The following PRKRA variants were observed in gnomAD, a reference collection of about 807,000 sequenced individuals.
The protein encoded by PRKRA is interferon-inducible double-stranded RNA-dependent protein kinase activator A.
In PRKRA, 22 loss-of-function variants were observed where a neutral mutation model predicts 32.4. That is an observed-to-expected ratio of 0.68 (90% CI 0.49 to 0.97). PRKRA has a LOEUF of 0.97. Among genes scored for constraint, PRKRA ranks in the 50% least tolerant of loss-of-function variants. The pLI is 0.00. For missense variants in PRKRA, 319 were observed against 375.6 expected (o/e 0.85, Z 1.25); for synonymous variants, 139 against 129.8 (o/e 1.07, Z -0.48).
chr2:178,436,441 G>GGTTAATAAAGCATGATAACATAAAGCAT (rs1696900887), intron 6 of PRKRA, 122 bp from the exon 7 acceptor site: 1 of 816,866 alleles, frequency 1.2e-6, no homozygotes, highest in East Asian at 2.6e-5. Context: ...ATGTTTAAAT[G>GGTTAATAAAGCATGATAACATAAAGCAT]GATAACATTT....
At chr2:178,450,890 G>A in intron 1 of PRKRA, 76 bp downstream of exon 1, 1 of 1,241,130 alleles carries the variant, frequency 8.1e-7, no homozygotes, top group Non-Finnish European at 1.0e-6. Flanking sequence ...AATGCCTCTG[G>A]AGGGCCGGCT....
Position 178,441,588 on chromosome 2 carries a change from C to A in PRKRA, c.609+22G>T, listed in dbSNP as rs1394605227. 3 of 718,664 alleles carry A rather than the reference C, an allele frequency of 4.2e-6. No homozygotes were observed. In the East Asian group the frequency reaches 1.6e-4, roughly 39 times the overall value. The allele number at this position is 718,664 out of a possible 1,614,324, so 44.5% of individuals were successfully genotyped here. A position where few individuals can be genotyped will look rare whatever the true frequency, so the allele number is the denominator to read the frequency against. On this transcript the variant is annotated intron_variant, in intron 6 of 7. Transcript: ENST00000325748. ...AAGAAATGCTTAATGACATTAACAT[C>A]ATAGCTGTCAACATTACTCACTAAA...
intron 1 of PRKRA, chr2:178,450,650 A>G: frequency 6.9e-7 from 1 of 1,441,440 alleles, no homozygotes; most frequent in Non-Finnish European, 9.1e-7. Context: ...TGCGGGTAGG[A>G]GAGATTCTCA....
Position 178,448,563 on chromosome 2 carries a change from G to A in PRKRA, c.236-977C>T, listed in dbSNP as rs150820665. Among the ~76,000 whole-genome samples, 142 of 152,142 alleles carry A rather than the reference G, an allele frequency of 9.3e-4. 2 individuals carry two copies. The East Asian group carries it at 0.026, about 28-fold the overall frequency. The stretch of plus-strand genomic sequence containing the variant: ...GCCAAGATCATGCCACTGCACTCTA[G>A]CCTGGGTGACAGAGTGAGACCCTGT... On this transcript the variant is annotated intron_variant, in intron 2 of 7. Transcript: ENST00000325748.
In PRKRA at chr2:178,431,916, T is replaced by G. The variant is rs1272189996; in HGVS notation, c.*181A>C. 1 of 751,234 alleles carries G rather than the reference T, an allele frequency of 1.3e-6. No individual in the cohort carries two copies. 46.5% of individuals were successfully genotyped at this position (751,234 alleles called of 1,614,324 possible). On this transcript the variant is annotated 3_prime_UTR_variant, in exon 8 of 8. Transcript: ENST00000325748. The stretch of plus-strand genomic sequence containing the variant: ...TAAATACAGTATACTGATACAAAGT[T>G]GAAGCCATTAAAAAGAGCTTAATAA...
At chr2:178,440,771 A>G (rs1417361637) in intron 6 of PRKRA, among the ~76,000 whole-genome samples, 1 of 152,194 alleles carries the variant, frequency 6.6e-6, no homozygotes, top group Non-Finnish European at 1.5e-5. Flanking sequence ...CTCACTTACC[A>G]TAATGCAGCC....
At position 178,432,049 on chromosome 2, in the gene PRKRA, G is replaced by T; in HGVS notation, c.*48C>A. 2 of 1,602,588 alleles carry T rather than the reference G, an allele frequency of 1.2e-6. No individual in the cohort carries two copies. Among genetic ancestry groups the T allele is most frequent in the Non-Finnish European group, 1.7e-6 (2 of 1,170,566 alleles). On this transcript the variant is annotated 3_prime_UTR_variant, in exon 8 of 8. Transcript: ENST00000325748. ...AAGTTTTACTTGGGAAGGGGCCAGA[G>T]GGGAACTTTTTATGTGCTACTGAAA...
rs766796832 is a variant in PRKRA at position 178,432,076 on chromosome 2, ATTT to A, written c.*18_*20del. The A allele has an allele frequency of 6.2e-7, 1 of 1,613,858 alleles. No homozygotes were observed. The highest frequency in any genetic ancestry group is 1.7e-5 in the Admixed American group (1 of 60,006). ...GGAACTTTTTATGTGCTACTGAAAGATTTTTTAAGTTGCTCCAGATTTACTTTC... is the reference window on the plus strand; with the variant it reads ...GGAACTTTTTATGTGCTACTGAAAGATTTAAGTTGCTCCAGATTTACTTTC... On this transcript the variant is annotated 3_prime_UTR_variant, in exon 8 of 8. Coordinates refer to ENST00000325748, the MANE Select transcript of PRKRA (RefSeq NM_003690.5).
At position 178,436,404 on chromosome 2, in the gene PRKRA, G is replaced by A. The variant is rs1696899373; in HGVS notation, c.610-85C>T. 15 of 864,270 alleles carry A rather than the reference G, an allele frequency of 1.7e-5. 1 individual carries two copies. The South Asian group carries it at 2.5e-4, about 14-fold the overall frequency. The allele number at this position is 864,270 out of a possible 1,614,324, so 53.5% of individuals were successfully genotyped here. A position where few individuals can be genotyped will look rare whatever the true frequency, so the allele number is the denominator to read the frequency against. On this transcript the variant is annotated intron_variant, in intron 6 of 7. Transcript: ENST00000325748. ...CAGTATCATTAAAAGTACTTATTAA[G>A]CACTCACATTTAATATGTTATAAAG...
rs999624198 is a variant in PRKRA, at chr2:178,441,710, CA to C, written c.515-7del. On this transcript the variant is annotated splice_polypyrimidine_tract_variant and splice_region_variant and intron_variant, in intron 5 of 7. Coordinates refer to ENST00000325748, the MANE Select transcript of PRKRA (RefSeq NM_003690.5). ...CTTTTTTGATGCCCCCTTTCCTGAA[CA>C]AAGAAAAAGAAATGGTAGATTTAGA... The C allele has an allele frequency of 6.6e-6, 5 of 760,010 alleles. No individual in the cohort carries two copies. In the African/African-American group the frequency reaches 9.8e-5, roughly 15 times the overall value. The allele number at this position is 760,010 out of a possible 1,614,324, so 47.1% of individuals were successfully genotyped here. A position where few individuals can be genotyped will look rare whatever the true frequency, so the allele number is the denominator to read the frequency against.
At chr2:178,439,029 T>TCGCC (rs1697017062) in intron 6 of PRKRA, 1 of 152,170 alleles carries the variant, frequency 6.6e-6, no homozygotes, top group Admixed American at 6.5e-5. Flanking sequence ...TTAAATATAT[T>TCGCC]TACAATGTTT....
At chr2:178,437,033 AAAC>A (rs369768283) in intron 6 of PRKRA, among the ~76,000 whole-genome samples, 107 of 152,284 alleles carry the variant, frequency 7.0e-4, no homozygotes, top group East Asian at 3.9e-3. Flanking sequence ...CCATTAATAA[AAAC>A]AACTACTTTC....
intron 2 of PRKRA, 64 bp downstream of exon 2, chr2:178,450,178 A>G: frequency 7.6e-7 from 1 of 1,307,894 alleles, no homozygotes; most frequent in Non-Finnish European, 1.0e-6. Flanking sequence ...TTCCGAACTG[A>G]AAAGCAACAC....
chr2:178,448,069 T>G (rs1051663074), intron 2 of PRKRA, among the ~76,000 whole-genome samples: 1 of 152,246 alleles, frequency 6.6e-6, no homozygotes, highest in African/African-American at 2.4e-5. Flanking sequence ...GCCTGTCCTA[T>G]AACGTATCAA....
intron 6 of PRKRA, chr2:178,440,350 T>C (rs527977020): frequency 6.6e-6 from 1 of 152,200 alleles, no homozygotes; most frequent in Non-Finnish European, 1.5e-5. Flanking sequence ...TCCCACCTAA[T>C]ACACTACTCT....
chr2:178,450,831 G>T, intron 1 of PRKRA, 135 bp downstream of exon 1: 24 of 1,363,492 alleles, frequency 1.8e-5, no homozygotes, highest in Non-Finnish European at 2.2e-5. Context: ...GGGCGGGGCC[G>T]AGCACCCACA....
rs541083764 is a variant in PRKRA, at chr2:178,434,106, C to G, written c.785-1852G>C. ...TATTGGATGAATGGTCTCTCATCAG[C>G]CACCTTTTCTTTTTTTTTTTTTGAG... On this transcript the variant is annotated intron_variant, in intron 7 of 7. Coordinates refer to ENST00000325748, the MANE Select transcript of PRKRA (RefSeq NM_003690.5). 2.6e-5 allele frequency: 4 copies of G among 151,872 alleles called. No homozygotes were observed. The East Asian group carries it at 7.7e-4, about 29-fold the overall frequency. 9.4% of individuals were successfully genotyped at this position (151,872 alleles called of 1,614,324 possible).
chr2:178,433,791 T>C (rs1189826393), intron 7 of PRKRA: 1 of 152,002 alleles, frequency 6.6e-6, no homozygotes, highest in East Asian at 1.9e-4. Context: ...CCCAGCCCAT[T>C]TGTATATCTC....
Position 178,436,260 on chromosome 2 carries a change from A to T in PRKRA, c.669T>A (p.Gly223=), listed in dbSNP as rs1696890153. The change falls in exon 7 of 8, where the codon GGT becomes GGA. Residue 223 remains glycine, a synonymous_variant. Coordinates refer to ENST00000325748, the MANE Select transcript of PRKRA (RefSeq NM_003690.5). ...TTCTTTTCAGTAAGTTGATCTTTTC[A>T]CCAGGAGAATTCCTCAAGGAATGCC... is the stretch of plus-strand genomic sequence containing the variant. The part of the protein sequence containing the change: ...CTWHSLRNSP[G]EKINLLKRSL... The T allele has an allele frequency of 1.9e-6, 3 of 1,613,870 alleles. No individual in the cohort carries two copies. Among genetic ancestry groups the T allele is most frequent in the Non-Finnish European group, 2.5e-6 (3 of 1,179,788 alleles).
Sources: allele counts gnomAD v4.1 joint callset (sites outside exome capture counted in the v4.1 genomes callset), GRCh38; gene constraint gnomAD v4.1.1; transcripts MANE v1.5; gene names NCBI Gene and HGNC (gene_info 2026-07-23, HGNC 2026-07-21).